TMBIM4: variants seen among roughly 807,000 people sequenced by gnomAD.
TMBIM4 encodes the protein protein lifeguard 4.
In TMBIM4, 28 loss-of-function variants were observed where a neutral mutation model predicts 27.7. The observed-to-expected ratio is 1.01, with a 90% CI of 0.75 to 1.38. TMBIM4 has a LOEUF of 1.38. Among genes scored for constraint, TMBIM4 ranks in the 40% most tolerant of loss-of-function variants. The pLI, the probability that TMBIM4 is intolerant of heterozygous loss-of-function variation, is 0.00. For synonymous variants in TMBIM4, 115 were observed against 113.1 expected, an observed-to-expected ratio of 1.02 and a Z score of -0.11; for missense variants, 265 against 277.5, an observed-to-expected ratio of 0.95 and a Z score of 0.32.
intron 6 of TMBIM4, 69 bp from the exon 7 acceptor site, chr12:66,138,235 C>T: frequency 6.5e-7 from 1 of 1,532,118 alleles, no homozygotes; most frequent in Non-Finnish European, 8.7e-7. Flanking sequence ...AACTTACTTC[C>T]TCTAATGATT....
intron 4 of TMBIM4, among the ~76,000 whole-genome samples, chr12:66,146,614 A>G (rs780553189): frequency 6.6e-6 from 1 of 152,196 alleles, no homozygotes; most frequent in Non-Finnish European, 1.5e-5. Flanking sequence ...TTTTAGAATA[A>G]TCATCCATTC....
chr12:66,141,782 G>A (rs939650982), intron 5 of TMBIM4, among the ~76,000 whole-genome samples: 7 of 152,012 alleles, frequency 4.6e-5, no homozygotes, highest in South Asian at 2.1e-4. Flanking sequence ...CCAAGAGTAC[G>A]TAACAATCCT....
chr12:66,149,444 CAAAAAA>C (rs61425460), intron 3 of TMBIM4, among the ~76,000 whole-genome samples: 3 of 74,512 alleles, frequency 4.0e-5, no homozygotes, highest in Non-Finnish European at 7.3e-5. Context: ...GACCCTGTCT[CAAAAAA>C]AAAAAAAAAA....
chr12:66,153,255 A>G, intron 2 of TMBIM4, 85 bp downstream of exon 2: 1 of 811,312 alleles, frequency 1.2e-6, no homozygotes, highest in East Asian at 2.7e-5. Flanking sequence ...AAAAGTTAAT[A>G]GAAAAAAGTG....
chr12:66,155,526 T>A (rs2051921363), intron 1 of TMBIM4, among the ~76,000 whole-genome samples: 1 of 151,954 alleles, frequency 6.6e-6, no homozygotes, highest in East Asian at 1.9e-4. Context: ...AGAGATGGGG[T>A]TTTACCACAT....
At chr12:66,152,248 A>C in intron 3 of TMBIM4, 23 bp downstream of exon 3, 1 of 1,413,766 alleles carries the variant, frequency 7.1e-7, no homozygotes, top group Non-Finnish European at 9.8e-7. Flanking sequence ...TGTTAAGGGA[A>C]TAGAGAAAGT....
At chr12:66,162,486 A>G (rs1212817484) in intron 1 of TMBIM4, among the ~76,000 whole-genome samples, 1 of 152,218 alleles carries the variant, frequency 6.6e-6, no homozygotes, top group Non-Finnish European at 1.5e-5. Flanking sequence ...TTCACACTGT[A>G]AAAGTGATTA....
chr12:66,139,179 G>A (rs775625497), intron 5 of TMBIM4, among the ~76,000 whole-genome samples: 3 of 152,102 alleles, frequency 2.0e-5, no homozygotes, highest in African/African-American at 7.2e-5. Context: ...CATGTCTATC[G>A]AAGTTCACAA....
At chr12:66,151,543 A>G (rs569610753) in intron 3 of TMBIM4, among the ~76,000 whole-genome samples, 4 of 152,318 alleles carry the variant, frequency 2.6e-5, no homozygotes, top group African/African-American at 9.6e-5. Flanking sequence ...CCACCCAAGT[A>G]TTCTTAATAT....
chr12:66,156,761 C>T (rs555446785), intron 1 of TMBIM4, among the ~76,000 whole-genome samples: 7 of 152,284 alleles, frequency 4.6e-5, no homozygotes, highest in East Asian at 3.9e-4. Context: ...GTCACTTTCC[C>T]GCTTCAGGGC....
chr12:66,169,357 C>A, intron 1 of TMBIM4: 1 of 657,078 alleles, frequency 1.5e-6, no homozygotes, highest in South Asian at 1.6e-5. Context: ...CTGGGCCCTG[C>A]GGAGAGGAAA....
chr12:66,153,457 GA>G lies in TMBIM4; in HGVS notation c.98-10del, dbSNP rs755659671. On this transcript the variant is annotated splice_polypyrimidine_tract_variant and intron_variant, in intron 1 of 6. Coordinates refer to ENST00000358230, the MANE Select transcript of TMBIM4 (RefSeq NM_016056.4). ...GACTTTTCTCAGAAAGGCTAAAAGA[GA>G]AAAAAAATTACATTACTATTTTCTT... 28 of 1,452,576 alleles carry G rather than the reference GA, an allele frequency of 1.9e-5. No individual in the cohort carries two copies. Among genetic ancestry groups the G allele is most frequent in the Non-Finnish European group, 2.4e-5 (25 of 1,063,716 alleles). 90.0% of individuals were successfully genotyped at this position (1,452,576 alleles called of 1,614,324 possible). A position where few individuals can be genotyped will look rare whatever the true frequency, so the allele number is the denominator to read the frequency against.
intron 1 of TMBIM4, among the ~76,000 whole-genome samples, chr12:66,155,243 C>T (rs1415101920): frequency 2.0e-5 from 3 of 151,966 alleles, no homozygotes; most frequent in Admixed American, 6.6e-5. Flanking sequence ...CTACAGCCTC[C>T]ATGTCCTGGA....
chr12:66,163,001 G>A (rs934472809), intron 1 of TMBIM4, among the ~76,000 whole-genome samples: 1 of 152,114 alleles, frequency 6.6e-6, no homozygotes, highest in Non-Finnish European at 1.5e-5. Flanking sequence ...GAAAGGGGCT[G>A]TCCAAAAAAT....
chr12:66,160,525 T>C (rs929829194), intron 1 of TMBIM4, among the ~76,000 whole-genome samples: 1 of 152,228 alleles, frequency 6.6e-6, no homozygotes, highest in Non-Finnish European at 1.5e-5. Context: ...GAAAGACTAC[T>C]GCAGAATAAA....
At chr12:66,140,057 CAAA>C (rs903927014) in intron 5 of TMBIM4, among the ~76,000 whole-genome samples, 1 of 152,098 alleles carries the variant, frequency 6.6e-6, no homozygotes, top group Admixed American at 6.5e-5. Context: ...GTTAATACAA[CAAA>C]ATTCAGCACC....
chr12:66,149,168 T>G (rs1166855913), intron 3 of TMBIM4, among the ~76,000 whole-genome samples: 8 of 151,972 alleles, frequency 5.3e-5, no homozygotes, highest in Admixed American at 5.2e-4. Context: ...GGGCTGGGCA[T>G]GGTGGCTCAG....
Position 66,153,375 on chromosome 12 carries a change from T to TA in TMBIM4, c.170dup (p.Leu57PhefsTer4), listed in dbSNP as rs763444655. ...CAAATGTCCGTACAGACTCAAAGTA[T>TA]AAAAAAACTGTTGAAGTCACTGTAG... On this transcript the variant is annotated frameshift_variant, in exon 2 of 7. Coordinates refer to ENST00000358230, the MANE Select transcript of TMBIM4 (RefSeq NM_016056.4). LOFTEE classifies it high-confidence loss of function. 185 of 1,598,288 alleles carry TA rather than the reference T, an allele frequency of 1.2e-4. No individual in the cohort carries two copies. The highest frequency in any genetic ancestry group is 1.5e-4 in the Non-Finnish European group (172 of 1,173,494).
At position 66,153,419 on chromosome 12, in the gene TMBIM4, A is replaced by G. The variant is rs367788128; in HGVS notation, c.127T>C (p.Ser43Pro). Residue 43 changes from serine (S) to proline (P), a missense_variant, in exon 2 of 7, where the codon TCT (serine) becomes CCT (proline). Coordinates refer to ENST00000358230, the MANE Select transcript of TMBIM4 (RefSeq NM_016056.4). ...AFLRKVYSIL[S>P]LQVLLTTVTS... ...ACTGTAGTTAAGAGAACCTGCAGAG[A>G]AAGAATGCTGTAGACTTTTCTCAGA... 8 of 1,598,238 alleles carry G rather than the reference A, an allele frequency of 5.0e-6. No individual in the cohort carries two copies. The African/African-American group carries it at 1.1e-4, about 22-fold the overall frequency.
Sources: gnomAD v4.1 joint callset for allele counts (sites outside exome capture counted in the v4.1 genomes callset) on GRCh38, gnomAD v4.1.1 for gene constraint, MANE v1.5 for transcripts, NCBI Gene and HGNC (gene_info 2026-07-23, HGNC 2026-07-21) for gene names.